The following SLC25A48 variants were observed in gnomAD, a reference collection of about 807,000 sequenced individuals.
SLC25A48 encodes CTC-321K16.1.
In SLC25A48, 29 loss-of-function variants were observed where a neutral mutation model predicts 32.2. The ratio of observed to expected loss-of-function variants is 0.90; its 90% confidence interval spans 0.67 to 1.23. SLC25A48 has a LOEUF of 1.23. Among genes scored for constraint, SLC25A48 ranks in the 50% most tolerant of loss-of-function variants. SLC25A48 has a pLI of 0.00. For synonymous variants in SLC25A48, 164 were observed against 172.3 expected, an observed-to-expected ratio of 0.95 and a Z score of 0.38; for missense variants, 399 against 422.7, an observed-to-expected ratio of 0.94 and a Z score of 0.49.
intron 3 of SLC25A48, among the ~76,000 whole-genome samples, chr5:135,797,907 A>C (rs1757227854): frequency 6.6e-6 from 1 of 151,746 alleles, no homozygotes; most frequent in African/African-American, 2.4e-5. Context: ...ATCCATGAGA[A>C]AGAGGATGAT....
rs114201312 is a variant in SLC25A48, at chr5:135,706,589, C to T, written c.-521+71633C>T. Among the ~76,000 whole-genome samples, 1,021 of 152,216 alleles carry T rather than the reference C, an allele frequency of 6.7e-3. 16 individuals carry two copies. The highest frequency in any genetic ancestry group is 0.024 in the African/African-American group (986 of 41,540). On this transcript the variant is annotated intron_variant, in intron 3 of 10. Transcript: ENST00000646290. ...TCCCAGTTGTTATGGAGGCATGAGACCAGTGCTCTAGCGTGGCAAGTACTG... is the reference window on the plus strand; with the variant it reads ...TCCCAGTTGTTATGGAGGCATGAGATCAGTGCTCTAGCGTGGCAAGTACTG...
chr5:135,792,526 C>A (rs1170441487), intron 3 of SLC25A48, among the ~76,000 whole-genome samples: 6 of 151,360 alleles, frequency 4.0e-5, no homozygotes, highest in Non-Finnish European at 5.9e-5. Context: ...GTAATGTAAC[C>A]ATTATGTGTA....
At chr5:135,604,029 C>T (rs1020602064) in intron 1 of SLC25A48, among the ~76,000 whole-genome samples, 2 of 152,200 alleles carry the variant, frequency 1.3e-5, no homozygotes, top group Non-Finnish European at 2.9e-5. Flanking sequence ...TTATTGAGCC[C>T]TTGCTGGGTG....
At chr5:135,753,539 G>A (rs1309043482) in intron 3 of SLC25A48, among the ~76,000 whole-genome samples, 1 of 152,046 alleles carries the variant, frequency 6.6e-6, no homozygotes, top group South Asian at 2.1e-4. Flanking sequence ...ATCGTGGGGT[G>A]TACTGACAAG....
At chr5:135,794,785 A>G (rs540499412) in intron 3 of SLC25A48, among the ~76,000 whole-genome samples, 7 of 151,716 alleles carry the variant, frequency 4.6e-5, no homozygotes, top group Admixed American at 2.0e-4. Flanking sequence ...AATACTCCCA[A>G]TATTGCAGGG....
In SLC25A48 at chr5:135,716,795, A is replaced by T. The variant is rs115434000; in HGVS notation, c.-521+81839A>T. Reference sequence around the variant, plus strand: ...TGTGGAAAGCTCTGGACTAGGAAGGATGGCCTTTGAGACCACTCATCCCCA... The same window carrying T: ...TGTGGAAAGCTCTGGACTAGGAAGGTTGGCCTTTGAGACCACTCATCCCCA... On this transcript the variant is annotated intron_variant, in intron 3 of 10. Transcript: ENST00000646290. Among the ~76,000 whole-genome samples the T allele has an allele frequency of 5.6e-3, 852 of 152,316 alleles. 6 individuals are homozygous for T. Among genetic ancestry groups the T allele is most frequent in the African/African-American group, 0.019 (805 of 41,568 alleles).
In SLC25A48 at chr5:135,822,012, C is replaced by G. The variant is rs373637334; in HGVS notation, c.-117+9086C>G. The G allele has an allele frequency of 2.6e-5, 4 of 152,248 alleles. No homozygotes were observed. In the East Asian group the frequency reaches 7.7e-4, roughly 29 times the overall value. 9.4% of individuals were successfully genotyped at this position (152,248 alleles called of 1,614,324 possible). A position where few individuals can be genotyped will look rare whatever the true frequency, so the allele number is the denominator to read the frequency against. On this transcript the variant is annotated intron_variant, in intron 4 of 10. Coordinates refer to the SLC25A48 transcript ENST00000646290. ...CAGGGGAGCTCAGAGGACACCTGGC[C>G]TCCTTCAATCCAGGACTCACTGTTG...
intron 3 of SLC25A48, among the ~76,000 whole-genome samples, chr5:135,793,155 CG>C (rs974460758): frequency 6.6e-6 from 1 of 150,666 alleles, no homozygotes; most frequent in African/African-American, 2.4e-5. Flanking sequence ...TCGTAATATC[CG>C]GGGGAGATGT....
chr5:135,653,690 A>G (rs1753171666), intron 3 of SLC25A48, among the ~76,000 whole-genome samples: 1 of 152,218 alleles, frequency 6.6e-6, no homozygotes, highest in Admixed American at 6.5e-5. Flanking sequence ...AGACTTTCCC[A>G]TAAGACAGAC....
chr5:135,762,334 G>A (rs932178588), intron 3 of SLC25A48, among the ~76,000 whole-genome samples: 1 of 152,150 alleles, frequency 6.6e-6, no homozygotes, highest in African/African-American at 2.4e-5. Context: ...GTGAAGGGTG[G>A]TGTTTGCAGA....
chr5:135,817,385 T>A (rs1757749230), intron 4 of SLC25A48, among the ~76,000 whole-genome samples: 1 of 152,240 alleles, frequency 6.6e-6, no homozygotes, highest in Non-Finnish European at 1.5e-5. Flanking sequence ...CAGGTATGAA[T>A]CCACATGTAT....
At chr5:135,793,042 A>T (rs1757072511) in intron 3 of SLC25A48, among the ~76,000 whole-genome samples, 1 of 151,564 alleles carries the variant, frequency 6.6e-6, no homozygotes, top group South Asian at 2.1e-4. Flanking sequence ...GGTGTACACC[A>T]GGTGGGTACA....
chr5:135,717,072 T>C (rs1754819026), intron 3 of SLC25A48, among the ~76,000 whole-genome samples: 1 of 152,176 alleles, frequency 6.6e-6, no homozygotes. Flanking sequence ...TCACCCTCCT[T>C]GAGAAAGTGT....
At chr5:135,877,030 G>A (rs1209250564) in intron 6 of SLC25A48, among the ~76,000 whole-genome samples, 1 of 152,220 alleles carries the variant, frequency 6.6e-6, no homozygotes, top group Non-Finnish European at 1.5e-5. Flanking sequence ...ACAGGAAAGA[G>A]TTAGAAAGGC....
At chr5:135,765,375 C>A (rs1229266633) in intron 3 of SLC25A48, among the ~76,000 whole-genome samples, 2 of 151,296 alleles carry the variant, frequency 1.3e-5, no homozygotes, top group Non-Finnish European at 2.9e-5. Flanking sequence ...TGATACTACT[C>A]TTCATATCGC....
intron 1 of SLC25A48, among the ~76,000 whole-genome samples, chr5:135,840,984 G>C (rs1758940661): frequency 6.6e-6 from 1 of 152,140 alleles, no homozygotes; most frequent in Admixed American, 6.5e-5. Context: ...GCTTTTTTGA[G>C]GAATTGCCAA....
At chr5:135,815,130 T>G (rs1052560063) in intron 4 of SLC25A48, among the ~76,000 whole-genome samples, 1 of 152,112 alleles carries the variant, frequency 6.6e-6, no homozygotes, top group African/African-American at 2.4e-5. Flanking sequence ...ATCTGTGAGG[T>G]GGATGTACTC....
chr5:135,844,651 G>A (rs1215493620), intron 2 of SLC25A48, among the ~76,000 whole-genome samples: 6 of 152,136 alleles, frequency 3.9e-5, no homozygotes, highest in Non-Finnish European at 7.4e-5. Flanking sequence ...ATTCAAAATC[G>A]GTAGCTGCTA....
intron 3 of SLC25A48, among the ~76,000 whole-genome samples, chr5:135,756,582 A>C (rs1229087470): frequency 3.3e-5 from 5 of 152,124 alleles, no homozygotes; most frequent in African/African-American, 1.2e-4. Flanking sequence ...GAGGCATGAG[A>C]ATCACTTGAA....
Sources: allele counts gnomAD v4.1 joint callset (sites outside exome capture counted in the v4.1 genomes callset), GRCh38; gene constraint gnomAD v4.1.1; transcripts MANE v1.5; gene names NCBI Gene and HGNC (gene_info 2026-07-23, HGNC 2026-07-21).